The following GRID1 variants were observed in gnomAD, a reference collection of about 807,000 sequenced individuals.
GRID1 encodes glutamate ionotropic receptor delta type subunit 1, also known as glutamate receptor ionotropic, delta-1.
In GRID1, 28 loss-of-function variants were observed where a neutral mutation model predicts 98.0. That is an observed-to-expected ratio of 0.29 (90% CI 0.21 to 0.39). The LOEUF (loss-of-function observed/expected upper bound fraction) is 0.39, where lower values mean the gene tolerates loss of function less well. GRID1 is among the 10% of genes least tolerant of loss of function. The pLI, the probability that GRID1 is intolerant of heterozygous loss-of-function variation, is 1.00. For missense variants in GRID1, 1,111 were observed against 1,340.5 expected (o/e 0.83, Z 2.67); for synonymous variants, 553 against 538.5 (o/e 1.03, Z -0.37).
chr10:86,366,448 C>A lies in GRID1; in HGVS notation c.-56G>T. 1 of 1,311,486 alleles carries A rather than the reference C, an allele frequency of 7.6e-7. No individual in the cohort carries two copies. Among genetic ancestry groups the A allele is most frequent in the Non-Finnish European group, 1.0e-6 (1 of 977,336 alleles). The allele number at this position is 1,311,486 out of a possible 1,614,324, so 81.2% of individuals were successfully genotyped here. A position where few individuals can be genotyped will look rare whatever the true frequency, so the allele number is the denominator to read the frequency against. On this transcript the variant is annotated 5_prime_UTR_variant, in exon 1 of 16. Transcript: ENST00000327946. This position sits in a 1 kb window ranked among gnomAD's most constrained non-coding sequence, Gnocchi z 4.1. ...GCCCGGGGCGAGGCCGAGGGCAGCG[C>A]GAAGCGGGGAGGCGCTGGTCCCGGT...
chr10:85,620,083 C>A, intron 13 of GRID1, 50 bp from the exon 14 acceptor site: 1 of 1,518,464 alleles, frequency 6.6e-7, no homozygotes, highest in South Asian at 1.2e-5. Context: ...CCAGCTGTGT[C>A]AGCTTTGATT....
intron 8 of GRID1, among the ~76,000 whole-genome samples, chr10:85,799,318 A>G (rs889205637): frequency 4.6e-5 from 7 of 152,052 alleles, no homozygotes; most frequent in Non-Finnish European, 1.0e-4. Context: ...TGCTTTTGCT[A>G]TCTGGGATCT....
At chr10:85,856,878 A>T (rs974871166) in intron 6 of GRID1, among the ~76,000 whole-genome samples, 3 of 152,240 alleles carry the variant, frequency 2.0e-5, no homozygotes, top group African/African-American at 7.2e-5. Context: ...TACAATACAG[A>T]GGGAGCAGGA....
intron 5 of GRID1, among the ~76,000 whole-genome samples, chr10:85,900,223 G>C (rs117691443): frequency 6.6e-6 from 1 of 152,306 alleles, no homozygotes; most frequent in South Asian, 2.1e-4. Context: ...CAGCAGCCAC[G>C]TGTGAATGTG....
At chr10:86,147,449 C>T (rs773666676) in intron 3 of GRID1, among the ~76,000 whole-genome samples, 8 of 152,112 alleles carry the variant, frequency 5.3e-5, no homozygotes, top group African/African-American at 9.7e-5. Context: ...TATACTATAA[C>T]GCTACAGTAA....
chr10:86,111,458 C>T (rs1221008418), intron 4 of GRID1, among the ~76,000 whole-genome samples: 1 of 152,132 alleles, frequency 6.6e-6, no homozygotes, highest in Non-Finnish European at 1.5e-5. Flanking sequence ...CATGATTTTG[C>T]CCCAATCACT....
At chr10:85,915,315 T>C (rs944825952) in intron 5 of GRID1, among the ~76,000 whole-genome samples, 1 of 151,730 alleles carries the variant, frequency 6.6e-6, no homozygotes, top group African/African-American at 2.4e-5. Flanking sequence ...CCCAAACATA[T>C]ACATACACAA....
intron 2 of GRID1, among the ~76,000 whole-genome samples, chr10:86,251,996 C>T (rs1408934358): frequency 1.3e-5 from 2 of 152,208 alleles, no homozygotes; most frequent in East Asian, 3.9e-4. Context: ...AGATGTCATC[C>T]TCACTATCAC....
intron 12 of GRID1, among the ~76,000 whole-genome samples, chr10:85,674,059 T>C (rs2132587391): frequency 6.6e-6 from 1 of 152,350 alleles, no homozygotes; most frequent in South Asian, 2.1e-4. Flanking sequence ...GGTCTTTCAC[T>C]TTTTCCACCT....
At chr10:85,767,284 C>T (rs1384434188) in intron 8 of GRID1, among the ~76,000 whole-genome samples, 2 of 152,148 alleles carry the variant, frequency 1.3e-5, no homozygotes, top group East Asian at 1.9e-4. Context: ...TGAGCCTATC[C>T]TCCTCCCACA....
intron 3 of GRID1, among the ~76,000 whole-genome samples, chr10:86,157,789 C>T (rs1012945270): frequency 4.6e-5 from 7 of 152,202 alleles, no homozygotes; most frequent in Admixed American, 2.0e-4. Context: ...TGACAGCCAA[C>T]GCAAGTTGAA....
intron 8 of GRID1, among the ~76,000 whole-genome samples, chr10:85,760,924 G>A (rs1221476275): frequency 3.3e-5 from 5 of 152,120 alleles, no homozygotes; most frequent in South Asian, 4.1e-4. Context: ...AAGGCATTTC[G>A]TCAAAGTGGA....
At chr10:85,948,762 G>GT (rs1323611087) in intron 4 of GRID1, among the ~76,000 whole-genome samples, 2 of 152,018 alleles carry the variant, frequency 1.3e-5, no homozygotes, top group East Asian at 1.9e-4. Flanking sequence ...AAAAGATCCT[G>GT]TTTTTTTGAC....
At chr10:85,732,578 G>A (rs10887521) in intron 8 of GRID1, among the ~76,000 whole-genome samples, 30,719 of 151,960 alleles carry the variant, frequency 0.2, 3,379 homozygotes, top group Middle Eastern at 0.28. Context: ...CTCTGCTTCT[G>A]GCTCACTGCT....
chr10:85,614,319 C>T lies in GRID1; in HGVS notation c.2361-672G>A, dbSNP rs114293400. ...TCCACTGGAGGACTAGAGAAACCCT[C>T]ACTAAGGAGCTAACATGTAAGGGGA... On this transcript the variant is annotated intron_variant, in intron 14 of 15. Coordinates refer to ENST00000327946, the MANE Select transcript of GRID1 (RefSeq NM_017551.3). Among the ~76,000 whole-genome samples the T allele has an allele frequency of 2.4e-3, 372 of 152,348 alleles. 2 individuals are homozygous for T. The highest frequency in any genetic ancestry group is 8.7e-3 in the African/African-American group (362 of 41,582).
intron 2 of GRID1, among the ~76,000 whole-genome samples, chr10:86,299,012 G>A (rs1326537451): frequency 6.6e-6 from 1 of 152,036 alleles, no homozygotes; most frequent in Non-Finnish European, 1.5e-5. Flanking sequence ...GAGGCACTGG[G>A]GGTAGTTCCA....
intron 5 of GRID1, among the ~76,000 whole-genome samples, chr10:85,903,582 T>C (rs1330762169): frequency 6.6e-6 from 1 of 152,154 alleles, no homozygotes; most frequent in Non-Finnish European, 1.5e-5. Context: ...AATATATATA[T>C]ATATTGCCCA....
chr10:86,003,271 C>T (rs1006071552), intron 4 of GRID1, among the ~76,000 whole-genome samples: 1 of 152,196 alleles, frequency 6.6e-6, no homozygotes, highest in African/African-American at 2.4e-5. Flanking sequence ...ATGAGACTTG[C>T]TCTTGGGAAG....
chr10:85,711,108 A>T (rs1447925153), intron 12 of GRID1, among the ~76,000 whole-genome samples: 1 of 152,068 alleles, frequency 6.6e-6, no homozygotes, highest in African/African-American at 2.4e-5. Context: ...CATATGATCC[A>T]GCAATTTTAC....
Sources: gnomAD v4.1 joint callset for allele counts (sites outside exome capture counted in the v4.1 genomes callset) on GRCh38, gnomAD v4.1.1 for gene constraint, Gnocchi (gnomAD v3.1) non-coding constraint, MANE v1.5 for transcripts, NCBI Gene and HGNC (gene_info 2026-07-23, HGNC 2026-07-21) for gene names.